GABRA2: variants seen among roughly 807,000 people sequenced by gnomAD.
GABRA2 encodes the protein gamma-aminobutyric acid receptor subunit alpha-2.
Under a neutral mutation model 48.7 loss-of-function variants are expected in GABRA2, and 16 were observed. That is an observed-to-expected ratio of 0.33 (90% CI 0.22 to 0.50). The LOEUF (loss-of-function observed/expected upper bound fraction) is 0.50, where lower values mean the gene tolerates loss of function less well. Among genes scored for constraint, GABRA2 ranks in the 20% least tolerant of loss-of-function variants. GABRA2 has a pLI of 0.98. For synonymous variants in GABRA2, 185 were observed against 184.5 expected (o/e 1.00, Z -0.02); for missense variants, 275 against 535.6 (o/e 0.51, Z 4.80).
intron 8 of GABRA2, among the ~76,000 whole-genome samples, chr4:46,300,189 C>A (rs1725492289): frequency 6.6e-6 from 1 of 151,844 alleles, no homozygotes; most frequent in South Asian, 2.1e-4. Context: ...CACTCCAAAG[C>A]AACTTTACTA....
At chr4:46,366,359 C>CCTT (rs1418511549) in intron 3 of GABRA2, 2 of 152,094 alleles carry the variant, frequency 1.3e-5, no homozygotes, top group Non-Finnish European at 2.9e-5. Flanking sequence ...TGCGCACCAT[C>CCTT]CTTCCCCTTC....
At chr4:46,351,477 T>C (rs543591539) in intron 3 of GABRA2, among the ~76,000 whole-genome samples, 16 of 152,176 alleles carry the variant, frequency 1.1e-4, no homozygotes, top group African/African-American at 3.6e-4. Context: ...TACAACACTT[T>C]TACTTTATTC....
At chr4:46,277,318 G>A (rs747109092) in intron 8 of GABRA2, among the ~76,000 whole-genome samples, 2 of 152,142 alleles carry the variant, frequency 1.3e-5, no homozygotes, top group Non-Finnish European at 2.9e-5. Context: ...TGGTGGGCTG[G>A]CAGCTTGCAT....
At chr4:46,306,807 A>G (rs1485286608) in intron 6 of GABRA2, among the ~76,000 whole-genome samples, 1 of 152,152 alleles carries the variant, frequency 6.6e-6, no homozygotes, top group African/African-American at 2.4e-5. Flanking sequence ...CTTTAATAGC[A>G]CCATACTGTG....
chr4:46,328,306 A>ACACGCATG (rs1730749613), intron 4 of GABRA2, among the ~76,000 whole-genome samples: 2 of 150,378 alleles, frequency 1.3e-5, no homozygotes, highest in Admixed American at 1.3e-4. Context: ...GCGCACACGC[A>ACACGCATG]TGTGTGTGTG....
intron 3 of GABRA2, among the ~76,000 whole-genome samples, chr4:46,374,130 G>C (rs1715340511): frequency 6.6e-6 from 1 of 151,986 alleles, no homozygotes. Context: ...CTAACTTACT[G>C]AATTCTATTG....
At chr4:46,262,899 G>C (rs1332641281) in intron 8 of GABRA2, among the ~76,000 whole-genome samples, 2 of 138,252 alleles carry the variant, frequency 1.4e-5, no homozygotes, top group Non-Finnish European at 3.1e-5. Context: ...TCCGTTGAAA[G>C]AAAGAACGAA....
At chr4:46,373,055 T>C (rs572557564) in intron 3 of GABRA2, among the ~76,000 whole-genome samples, 1 of 152,158 alleles carries the variant, frequency 6.6e-6, no homozygotes, top group Admixed American at 6.5e-5. Context: ...CTGGAACTGG[T>C]GGCAATCAGA....
chr4:46,272,058 C>A (rs969334759), intron 8 of GABRA2, among the ~76,000 whole-genome samples: 3 of 151,702 alleles, frequency 2.0e-5, no homozygotes, highest in Non-Finnish European at 4.4e-5. Context: ...TGAGAATACA[C>A]CAATTAACAA....
chr4:46,316,292 TTAAG>T (rs1330119393), intron 4 of GABRA2, among the ~76,000 whole-genome samples: 2 of 152,168 alleles, frequency 1.3e-5, no homozygotes, highest in East Asian at 1.9e-4. Context: ...ATTTTTTCCA[TTAAG>T]TGTTAGTCAA....
At position 46,250,193 on chromosome 4, in the gene GABRA2, A is replaced by T; in HGVS notation, c.*115T>A. On this transcript the variant is annotated 3_prime_UTR_variant, in exon 10 of 10. Transcript: ENST00000381620. The stretch of plus-strand genomic sequence containing the variant: ...AGGTCTACTGGTAAGCTATGTCACT[A>T]TATACATACTGTACATGTTGGATCA... 2.3e-6 allele frequency: 2 copies of T among 861,846 alleles called. No individual in the cohort carries two copies. Among genetic ancestry groups the T allele is most frequent in the South Asian group, 3.3e-5 (2 of 59,958 alleles). The allele number at this position is 861,846 out of a possible 1,614,324, so 53.4% of individuals were successfully genotyped here.
At chr4:46,288,888 A>G (rs1301927164) in intron 8 of GABRA2, among the ~76,000 whole-genome samples, 1 of 127,336 alleles carries the variant, frequency 7.9e-6, no homozygotes, top group Non-Finnish European at 1.8e-5. Flanking sequence ...CAATGAAAGT[A>G]GACAAAAAAC....
In GABRA2 at chr4:46,245,257, AG is replaced by A. The variant is rs916845467; in HGVS notation, c.*5050del. On this transcript the variant is annotated 3_prime_UTR_variant, in exon 10 of 10. Transcript: ENST00000381620. ...TACTCTGAATCATTCCAATTCAAAA[AG>A]TAAGGTATGAAACAAATCAGTAATG... 6.6e-6 allele frequency among the ~76,000 whole-genome samples: 1 copy of A among 151,300 alleles called. No individual in the cohort carries two copies. Among genetic ancestry groups the A allele is most frequent in the African/African-American group, 2.4e-5 (1 of 41,360 alleles).
intron 9 of GABRA2, among the ~76,000 whole-genome samples, chr4:46,252,187 C>T (rs1714906052): frequency 6.6e-6 from 1 of 151,386 alleles, no homozygotes; most frequent in South Asian, 2.1e-4. Flanking sequence ...GAGTTTCTTC[C>T]TCTCCTTTTT....
intron 3 of GABRA2, among the ~76,000 whole-genome samples, chr4:46,336,115 C>T (rs1020826957): frequency 1.3e-5 from 2 of 152,178 alleles, no homozygotes; most frequent in Admixed American, 6.6e-5. Flanking sequence ...ACTATTATGT[C>T]ATGAGGGCTT....
At chr4:46,356,361 T>C (rs1372615379) in intron 3 of GABRA2, among the ~76,000 whole-genome samples, 1 of 151,240 alleles carries the variant, frequency 6.6e-6, no homozygotes, top group Non-Finnish European at 1.5e-5. Context: ...AGAATCTGTT[T>C]GCTGCAGTCT....
At chr4:46,272,243 C>A (rs1183631996) in intron 8 of GABRA2, among the ~76,000 whole-genome samples, 2 of 151,686 alleles carry the variant, frequency 1.3e-5, no homozygotes, top group Non-Finnish European at 2.9e-5. Context: ...AACTGTAAAC[C>A]CCAATAAATT....
chr4:46,372,439 G>A (rs1211105859), intron 3 of GABRA2, among the ~76,000 whole-genome samples: 1 of 152,068 alleles, frequency 6.6e-6, no homozygotes, highest in Non-Finnish European at 1.5e-5. Flanking sequence ...GCCATCTTGG[G>A]ATCATGAGGT....
intron 3 of GABRA2, among the ~76,000 whole-genome samples, chr4:46,355,735 A>C (rs1735852034): frequency 6.6e-6 from 1 of 152,136 alleles, no homozygotes; most frequent in South Asian, 2.1e-4. Context: ...AGGAAAATAC[A>C]TTACAATCTA....
Sources: allele counts gnomAD v4.1 joint callset (sites outside exome capture counted in the v4.1 genomes callset), GRCh38; gene constraint gnomAD v4.1.1; transcripts MANE v1.5; gene names NCBI Gene and HGNC (gene_info 2026-07-23, HGNC 2026-07-21).